VWA8: variants seen among roughly 807,000 people sequenced by gnomAD.
VWA8 encodes the protein von Willebrand factor A domain-containing protein 8.
VWA8 carries 221 observed loss-of-function variants against 241.5 expected under a neutral mutation model. That is an observed-to-expected ratio of 0.91 (90% CI 0.82 to 1.02). The LOEUF (loss-of-function observed/expected upper bound fraction) is 1.02. Among genes scored for constraint, VWA8 ranks in the 50% least tolerant of loss-of-function variants. The pLI is 0.00. For synonymous variants in VWA8, 852 were observed against 827.1 expected (o/e 1.03, Z -0.52); for missense variants, 2,322 against 2,328.7 (o/e 1.00, Z 0.06).
intron 40 of VWA8, among the ~76,000 whole-genome samples, chr13:41,591,404 A>G (rs936652153): frequency 6.6e-6 from 1 of 152,234 alleles, no homozygotes; most frequent in African/African-American, 2.4e-5. Flanking sequence ...GAATTATAGT[A>G]TCCCAATCAA....
intron 26 of VWA8, among the ~76,000 whole-genome samples, chr13:41,715,730 TAAC>T (rs1168329142): frequency 6.6e-6 from 1 of 152,006 alleles, no homozygotes; most frequent in East Asian, 1.9e-4. Flanking sequence ...ATATTTCCAA[TAAC>T]AACATTTAAA....
At chr13:41,866,421 G>C (rs1873318219) in intron 10 of VWA8, among the ~76,000 whole-genome samples, 2 of 151,554 alleles carry the variant, frequency 1.3e-5, no homozygotes, top group African/African-American at 4.9e-5. Flanking sequence ...GTGTGTGTGT[G>C]TGTAAAACAT....
At chr13:41,654,959 T>C (rs2044893012) in intron 37 of VWA8, among the ~76,000 whole-genome samples, 1 of 152,190 alleles carries the variant, frequency 6.6e-6, no homozygotes, top group Non-Finnish European at 1.5e-5. Context: ...ATAAAGGATG[T>C]TATTGAGACA....
chr13:41,810,865 C>T (rs534448888), intron 17 of VWA8, among the ~76,000 whole-genome samples: 1 of 152,028 alleles, frequency 6.6e-6, no homozygotes, highest in Non-Finnish European at 1.5e-5. Flanking sequence ...ATCAAAGTAT[C>T]TCATGTACCC....
chr13:41,613,784 T>TA (rs2044604587), intron 38 of VWA8, among the ~76,000 whole-genome samples: 1 of 152,046 alleles, frequency 6.6e-6, no homozygotes, highest in Non-Finnish European at 1.5e-5. Context: ...GGAGCATTGA[T>TA]GAAGAAAGGG....
At chr13:41,739,830 T>TTTTTTTTG (rs2045553524) in intron 21 of VWA8, among the ~76,000 whole-genome samples, 6 of 136,454 alleles carry the variant, frequency 4.4e-5, no homozygotes, top group African/African-American at 1.1e-4. Context: ...TTTTTTTGTT[T>TTTTTTTTG]TTTTTTTTGT....
chr13:41,728,989 T>C (rs975136474), intron 23 of VWA8, among the ~76,000 whole-genome samples: 1 of 152,072 alleles, frequency 6.6e-6, no homozygotes, highest in Non-Finnish European at 1.5e-5. Context: ...AATTGTTCCT[T>C]GTAGTTTAAA....
chr13:41,652,183 T>G (rs1482802373), intron 37 of VWA8, among the ~76,000 whole-genome samples: 4 of 152,306 alleles, frequency 2.6e-5, no homozygotes, highest in African/African-American at 9.6e-5. Flanking sequence ...GTCTGGCACC[T>G]ATAAGCATTT....
chr13:41,912,097 C>T lies in VWA8; in HGVS notation c.313G>A (p.Asp105Asn), dbSNP rs781429320. 2.5e-6 allele frequency: 4 copies of T among 1,609,622 alleles called. No individual in the cohort carries two copies. Among genetic ancestry groups the T allele is most frequent in the Middle Eastern group, 1.7e-4 (1 of 6,050 alleles). Residue 105 changes from aspartate (D) to asparagine (N), a missense_variant, in exon 3 of 45, where the codon GAT becomes AAT. By Grantham distance (23) the Asp-to-Asn change is conservative. Transcript: ENST00000379310. ...WIMQKDLLGQ[D>N]VFLIGPPGPL... ...CCAGGAGGTCCTATTAGAAAAACATCTTGCCCCAAAAGATCCTTCTGCATT... is the reference window on the plus strand; with the variant it reads ...CCAGGAGGTCCTATTAGAAAAACATTTTGCCCCAAAAGATCCTTCTGCATT...
intron 21 of VWA8, among the ~76,000 whole-genome samples, chr13:41,740,222 GA>G (rs1487085587): frequency 1.3e-5 from 2 of 152,102 alleles, no homozygotes; most frequent in Non-Finnish European, 2.9e-5. Flanking sequence ...ACAGAAGACT[GA>G]AGCAGCTCTC....
intron 31 of VWA8, 44 bp downstream of exon 31, chr13:41,691,830 C>T: frequency 7.1e-7 from 1 of 1,417,518 alleles, no homozygotes; most frequent in Non-Finnish European, 9.9e-7. Flanking sequence ...TAGAATGGGC[C>T]AAATAAGAAC....
intron 39 of VWA8, 99 bp from the exon 40 acceptor site, chr13:41,605,375 G>T (rs1031196848): frequency 8.8e-7 from 1 of 1,131,600 alleles, no homozygotes; most frequent in Non-Finnish European, 1.3e-6. Flanking sequence ...AAACTCCTTG[G>T]AAACTCAGAT....
chr13:41,935,047 T>C (rs565566049), intron 2 of VWA8, among the ~76,000 whole-genome samples: 34 of 152,210 alleles, frequency 2.2e-4, no homozygotes, highest in African/African-American at 7.9e-4. Flanking sequence ...TTTATATTTG[T>C]AATAGGAACA....
intron 9 of VWA8, among the ~76,000 whole-genome samples, chr13:41,873,189 A>T (rs1292420488): frequency 1.3e-5 from 2 of 151,992 alleles, no homozygotes; most frequent in Admixed American, 6.6e-5. Flanking sequence ...AGCAGTGTGT[A>T]GAGGGAAATT....
chr13:41,952,764 T>G (rs1878192122), intron 1 of VWA8, among the ~76,000 whole-genome samples: 1 of 151,170 alleles, frequency 6.6e-6, no homozygotes, highest in South Asian at 2.1e-4. Flanking sequence ...TTAAAAAAAG[T>G]AAAATTCATA....
In VWA8 at chr13:41,671,148, C is replaced by T. The variant is rs757585303; in HGVS notation, c.4410-1G>A. 6.2e-7 allele frequency: 1 copy of T among 1,613,566 alleles called. No individual in the cohort carries two copies. The highest frequency in any genetic ancestry group is 8.5e-7 in the Non-Finnish European group (1 of 1,179,640). On this transcript the variant is annotated splice_acceptor_variant, in intron 36 of 44. Coordinates refer to ENST00000379310, the MANE Select transcript of VWA8 (RefSeq NM_015058.2). LOFTEE classifies it high-confidence loss of function. ...GGTATACGGCGAGAGAGATTCTGAT[C>T]TGGAAAAAGGAATCCAAGTGAAGCT...
chr13:41,619,683 G>A (rs1334846145), intron 37 of VWA8, among the ~76,000 whole-genome samples: 1 of 152,160 alleles, frequency 6.6e-6, no homozygotes, highest in East Asian at 1.9e-4. Flanking sequence ...GCATGAAGGA[G>A]TGTTGAATTT....
chr13:41,623,352 G>A lies in VWA8; in HGVS notation c.4612-8268C>T, dbSNP rs2044669523. Among the ~76,000 whole-genome samples the A allele has an allele frequency of 2.0e-5, 3 of 152,280 alleles. 1 individual carries two copies. Among genetic ancestry groups the A allele is most frequent in the South Asian group, 4.1e-4 (2 of 4,830 alleles). On this transcript the variant is annotated intron_variant, in intron 37 of 44. Transcript: ENST00000379310. The stretch of plus-strand genomic sequence containing the variant: ...GTTGAGCTGCTGAACCAGCCCTGAA[G>A]TCACTTGTCTCTAATCTCCTATGTA...
chr13:41,689,450 T>C lies in VWA8; in HGVS notation c.4035A>G (p.Leu1345=), dbSNP rs754852047. 6.2e-7 allele frequency: 1 copy of C among 1,612,036 alleles called. No individual in the cohort carries two copies. The stretch of plus-strand genomic sequence containing the variant: ...CAATCTTTTGTTCCACAGCTGAACT[T>C]AGATGTTCAGATGATAGTTGATCAC... ...ISSDQLSSEH[L]SSAVEQKIAS... Residue 1345 remains leucine (L), a synonymous_variant, in exon 34 of 45, where the codon CTA becomes CTG. Coordinates refer to ENST00000379310, the MANE Select transcript of VWA8 (RefSeq NM_015058.2).
Sources: allele counts gnomAD v4.1 joint callset (sites outside exome capture counted in the v4.1 genomes callset), GRCh38; gene constraint gnomAD v4.1.1; transcripts MANE v1.5; gene names NCBI Gene and HGNC (gene_info 2026-07-23, HGNC 2026-07-21).